HDAC4: variants seen among roughly 807,000 people sequenced by gnomAD.
HDAC4 encodes histone deacetylase A.
In HDAC4, 16 loss-of-function variants were observed where a neutral mutation model predicts 135.1. The ratio of observed to expected loss-of-function variants is 0.12; its 90% confidence interval spans 0.08 to 0.18. The LOEUF is 0.18. Ranked by LOEUF, HDAC4 falls within the 10% of genes least tolerant of loss-of-function variation. The pLI is 1.00. For synonymous variants in HDAC4, 685 were observed against 653.4 expected (o/e 1.05, Z -0.74); for missense variants, 1,143 against 1,511.8 (o/e 0.76, Z 4.05).
rs192939913 is a variant in HDAC4, at chr2:239,398,142, C to T, written c.-220+2836G>A. On this transcript the variant is annotated intron_variant, in intron 1 of 26. Coordinates refer to ENST00000543185, the MANE Select transcript of HDAC4 (RefSeq NM_001378414.1). ...GCCACAGCCTGTCGCCCCGCTGCCT[C>T]TCAGCAACGGCAGTTCTCTCGGCCT... is the stretch of plus-strand genomic sequence containing the variant. Among the ~76,000 whole-genome samples, 890 of 152,372 alleles carry T rather than the reference C, an allele frequency of 5.8e-3. 9 individuals are homozygous for T. Among genetic ancestry groups the T allele is most frequent in the African/African-American group, 0.02 (844 of 41,584 alleles).
chr2:239,345,342 A>T (rs1386422626), intron 2 of HDAC4, among the ~76,000 whole-genome samples: 1 of 152,128 alleles, frequency 6.6e-6, no homozygotes, highest in South Asian at 2.1e-4. Flanking sequence ...TGAGTCCAGG[A>T]GTTGGAGACC....
chr2:239,221,940 TCAA>T (rs2046979177), intron 3 of HDAC4, among the ~76,000 whole-genome samples: 1 of 152,186 alleles, frequency 6.6e-6, no homozygotes, highest in Admixed American at 6.5e-5. Flanking sequence ...ATAAGCTGTA[TCAA>T]CAACGCAGCA....
intron 12 of HDAC4, among the ~76,000 whole-genome samples, chr2:239,125,319 C>A (rs1482888492): frequency 6.6e-6 from 1 of 152,174 alleles, no homozygotes; most frequent in Non-Finnish European, 1.5e-5. Context: ...TCTCCCCACC[C>A]CTTGCTCCTG....
chr2:239,147,435 T>C (rs2152924292), intron 7 of HDAC4, among the ~76,000 whole-genome samples: 1 of 152,382 alleles, frequency 6.6e-6, no homozygotes, highest in East Asian at 1.9e-4. Context: ...CCAATAATTC[T>C]GCCAAAGGCA....
In HDAC4 at chr2:239,053,596, A is replaced by G. The variant is rs747881579; in HGVS notation, c.3094T>C (p.Tyr1032His). ...MEKVMEIHSK[Y>H]WRCLQRTTST... is the part of the protein sequence containing the mutation. ...GTTGTGCGCTGCAGGCAGCGCCAGT[A>G]CTTGCCTGGGGTGGTGGGGTGAGGA... is the stretch of plus-strand genomic sequence containing the variant. Residue 1032 changes from tyrosine to histidine, a missense_variant, in exon 26 of 27, where the codon TAC (tyrosine) becomes CAC (histidine). By Grantham distance (83) the Tyr-to-His change is moderately conservative. Transcript: ENST00000543185. The G allele has an allele frequency of 3.7e-6, 6 of 1,613,612 alleles. No homozygotes were observed. In the East Asian group the frequency reaches 6.7e-5, roughly 18 times the overall value.
chr2:239,373,523 C>A (rs761251646), intron 1 of HDAC4, among the ~76,000 whole-genome samples: 1 of 152,048 alleles, frequency 6.6e-6, no homozygotes, highest in African/African-American at 2.4e-5. Flanking sequence ...GGCTGGAGTG[C>A]GGTGGTGTGA....
chr2:239,361,102 T>C (rs968535524), intron 1 of HDAC4, among the ~76,000 whole-genome samples: 4 of 152,174 alleles, frequency 2.6e-5, no homozygotes, highest in Admixed American at 2.0e-4. Flanking sequence ...TTTCATTCTA[T>C]GTTGACATTA....
intron 7 of HDAC4, among the ~76,000 whole-genome samples, chr2:239,147,687 C>T (rs904727453): frequency 1.3e-5 from 2 of 152,258 alleles, no homozygotes; most frequent in African/African-American, 2.4e-5. Context: ...TCCCACCAAG[C>T]GTGGGTGAGG....
chr2:239,270,420 C>T (rs1467361315), intron 2 of HDAC4, among the ~76,000 whole-genome samples: 1 of 152,098 alleles, frequency 6.6e-6, no homozygotes, highest in East Asian at 1.9e-4. Context: ...CAGGAAATTT[C>T]ATGGTGAGAC....
chr2:239,342,032 C>G (rs1692330409), intron 2 of HDAC4, among the ~76,000 whole-genome samples: 1 of 152,174 alleles, frequency 6.6e-6, no homozygotes, highest in Non-Finnish European at 1.5e-5. Context: ...TCACCAGACA[C>G]CAAGTCCGCT....
At chr2:239,102,725 C>A in intron 16 of HDAC4, 51 bp downstream of exon 16, 2 of 1,609,926 alleles carry the variant, frequency 1.2e-6, no homozygotes, top group Non-Finnish European at 1.7e-6. Flanking sequence ...GGAAACACAA[C>A]CTCAGGGGAC....
chr2:239,159,252 CCTA>C (rs1208750178), intron 6 of HDAC4, among the ~76,000 whole-genome samples: 1 of 150,848 alleles, frequency 6.6e-6, no homozygotes, highest in South Asian at 2.1e-4. Context: ...GACGCTCGCA[CCTA>C]CACTACTCAC....
At chr2:239,347,934 C>G (rs1427417172) in intron 2 of HDAC4, among the ~76,000 whole-genome samples, 1 of 151,622 alleles carries the variant, frequency 6.6e-6, no homozygotes, top group Non-Finnish European at 1.5e-5. Context: ...AGCATCATCC[C>G]GGTGACCATA....
chr2:239,210,404 A>G (rs2046300664), intron 3 of HDAC4, among the ~76,000 whole-genome samples: 1 of 152,234 alleles, frequency 6.6e-6, no homozygotes, highest in South Asian at 2.1e-4. Flanking sequence ...AAGCAAATCC[A>G]AACCGTATGC....
At chr2:239,113,110 C>T (rs1403800702) in intron 13 of HDAC4, among the ~76,000 whole-genome samples, 2 of 152,162 alleles carry the variant, frequency 1.3e-5, no homozygotes, top group Non-Finnish European at 2.9e-5. Flanking sequence ...ATTAGCCAGG[C>T]GTGATGGTGG....
chr2:239,088,265 C>T (rs1445078304), intron 18 of HDAC4, among the ~76,000 whole-genome samples: 1 of 152,242 alleles, frequency 6.6e-6, no homozygotes, highest in African/African-American at 2.4e-5. Context: ...CCTGGTCTCA[C>T]CAGCAACAGG....
chr2:239,200,277 C>T (rs2045676220), intron 3 of HDAC4, among the ~76,000 whole-genome samples: 1 of 152,196 alleles, frequency 6.6e-6, no homozygotes, highest in South Asian at 2.1e-4. Flanking sequence ...CCTGAACGGT[C>T]ATAACTGAGA....
intron 8 of HDAC4, among the ~76,000 whole-genome samples, chr2:239,140,610 A>G (rs1003815103): frequency 4.6e-5 from 7 of 152,144 alleles, no homozygotes; most frequent in African/African-American, 1.7e-4. Context: ...AGAAAACACA[A>G]TGTGACCCAT....
chr2:239,116,777 T>A (rs1038887477), intron 12 of HDAC4, among the ~76,000 whole-genome samples: 2 of 152,160 alleles, frequency 1.3e-5, no homozygotes, highest in Non-Finnish European at 2.9e-5. Flanking sequence ...CGCCGCTGGC[T>A]CTGCATCCCT....
Sources: allele counts gnomAD v4.1 joint callset (sites outside exome capture counted in the v4.1 genomes callset), GRCh38; gene constraint gnomAD v4.1.1; transcripts MANE v1.5; gene names NCBI Gene and HGNC (gene_info 2026-07-23, HGNC 2026-07-21).